Variants in DNAJB6 observed in about 807,000 individuals in gnomAD.
DNAJB6 encodes the protein DnaJ heat shock protein family (Hsp40) member B6, also known as dnaJ homolog subfamily B member 6.
DNAJB6 carries 16 observed loss-of-function variants against 42.7 expected under a neutral mutation model. That is an observed-to-expected ratio of 0.37 (90% CI 0.25 to 0.57). The LOEUF is 0.57. Among genes scored for constraint, DNAJB6 ranks in the 20% least tolerant of loss-of-function variants. DNAJB6 has a pLI of 0.74. For synonymous variants in DNAJB6, 170 were observed against 163.5 expected, an observed-to-expected ratio of 1.04 and a Z score of -0.30; for missense variants, 347 against 416.8, an observed-to-expected ratio of 0.83 and a Z score of 1.46.
chr7:157,344,331 CAG>C (rs1460667527), intron 1 of DNAJB6, among the ~76,000 whole-genome samples: 3 of 150,068 alleles, frequency 2.0e-5, no homozygotes, highest in Non-Finnish European at 4.4e-5. Context: ...GCCTGGGTGA[CAG>C]AGTGAGACTC....
intron 8 of DNAJB6, among the ~76,000 whole-genome samples, chr7:157,405,463 C>G (rs943316298): frequency 6.6e-6 from 1 of 152,216 alleles, no homozygotes; most frequent in Non-Finnish European, 1.5e-5. Flanking sequence ...CTCCTTCCTC[C>G]TCGTGGTGAC....
chr7:157,338,936 A>C (rs1347712834), intron 1 of DNAJB6, among the ~76,000 whole-genome samples: 3 of 152,232 alleles, frequency 2.0e-5, no homozygotes, highest in Non-Finnish European at 4.4e-5. Flanking sequence ...CAGAGCTCTT[A>C]AAGAATTTGA....
At chr7:157,340,678 A>G (rs566356330) in intron 1 of DNAJB6, among the ~76,000 whole-genome samples, 22 of 152,204 alleles carry the variant, frequency 1.4e-4, no homozygotes, top group African/African-American at 4.8e-4. Context: ...TGATTAGTTG[A>G]CTGACTGATT....
At chr7:157,396,874 C>T (rs898957901) in intron 8 of DNAJB6, among the ~76,000 whole-genome samples, 7 of 152,028 alleles carry the variant, frequency 4.6e-5, no homozygotes, top group African/African-American at 7.3e-5. Context: ...AAACATCCAC[C>T]GCCCGCCTCC....
At chr7:157,385,086 G>A (rs1272742171) in intron 7 of DNAJB6, 78 bp downstream of exon 7, 2 of 1,472,422 alleles carry the variant, frequency 1.4e-6, no homozygotes, top group South Asian at 2.5e-5. Context: ...ACGTCTCCCA[G>A]AGTGTGAAGT....
intron 8 of DNAJB6, among the ~76,000 whole-genome samples, chr7:157,387,413 A>G (rs1801123154): frequency 6.6e-6 from 1 of 152,250 alleles, no homozygotes; most frequent in African/African-American, 2.4e-5. Flanking sequence ...CACAACTAGC[A>G]TTGTGCGATC....
intron 3 of DNAJB6, 139 bp from the exon 4 acceptor site, chr7:157,366,363 T>G (rs1799843838): frequency 1.4e-6 from 1 of 712,564 alleles, no homozygotes; most frequent in Non-Finnish European, 2.4e-6. Context: ...TTGTTTTGTT[T>G]TAAAGAAAAG....
In DNAJB6 at chr7:157,401,474, G is replaced by A. The variant is rs190750325; in HGVS notation, c.692-8321G>A. ...GATCTGCCTGCCTCGGCCTCCCAAA[G>A]TGCTGGCATTACAGGCATGAGCCAC... is the stretch of plus-strand genomic sequence containing the variant. On this transcript the variant is annotated intron_variant, in intron 8 of 9. Transcript: ENST00000262177. Among the ~76,000 whole-genome samples, 574 of 152,256 alleles carry A rather than the reference G, an allele frequency of 3.8e-3. 8 individuals carry two copies. Among genetic ancestry groups the A allele is most frequent in the African/African-American group, 0.013 (537 of 41,544 alleles).
At chr7:157,370,928 T>C (rs1310078924) in intron 5 of DNAJB6, 1 of 152,592 alleles carries the variant, frequency 6.6e-6, no homozygotes, top group Non-Finnish European at 1.5e-5. Context: ...TTATTCATGA[T>C]GTAGTTCAGG....
chr7:157,389,088 G>A (rs1215318312), intron 8 of DNAJB6, among the ~76,000 whole-genome samples: 1 of 152,198 alleles, frequency 6.6e-6, no homozygotes, highest in Non-Finnish European at 1.5e-5. Context: ...TGTGCACCTA[G>A]TGTGCTGAAG....
intron 1 of DNAJB6, among the ~76,000 whole-genome samples, chr7:157,353,586 G>GGT (rs370854040): frequency 0.11 from 15,566 of 139,904 alleles, 852 homozygotes; most frequent in South Asian, 0.15. Context: ...TCTTGACCGG[G>GGT]GTGTGTGTGT....
intron 8 of DNAJB6, among the ~76,000 whole-genome samples, chr7:157,406,953 C>CTGG (rs1408284135): frequency 5.3e-5 from 8 of 152,220 alleles, no homozygotes; most frequent in African/African-American, 1.9e-4. Context: ...GCGGGAAGCC[C>CTGG]TGGTCGAGGC....
At chr7:157,347,054 A>G (rs927254073) in intron 1 of DNAJB6, among the ~76,000 whole-genome samples, 3 of 152,150 alleles carry the variant, frequency 2.0e-5, no homozygotes, top group Admixed American at 6.5e-5. Flanking sequence ...ACGGGGTTTC[A>G]CCGTGTTAGC....
At chr7:157,392,792 C>T (rs1475454081) in intron 8 of DNAJB6, among the ~76,000 whole-genome samples, 2 of 152,104 alleles carry the variant, frequency 1.3e-5, no homozygotes, top group Non-Finnish European at 2.9e-5. Context: ...TCCTGTTTTA[C>T]GGACAGCTGT....
chr7:157,363,904 G>A (rs1278150461), intron 3 of DNAJB6, among the ~76,000 whole-genome samples: 1 of 152,046 alleles, frequency 6.6e-6, no homozygotes. Flanking sequence ...CTGTGCATGG[G>A]GCCTGGGGTG....
chr7:157,352,137 C>T (rs527892234), intron 1 of DNAJB6, among the ~76,000 whole-genome samples: 1 of 152,186 alleles, frequency 6.6e-6, no homozygotes, highest in Middle Eastern at 3.4e-3. Context: ...CGAGACCATC[C>T]TGGCCAACAT....
At position 157,409,665 on chromosome 7, in the gene DNAJB6, C is replaced by G. The variant is rs868464741; in HGVS notation, c.692-130C>G. The G allele has an allele frequency of 1.4e-5, 15 of 1,070,770 alleles. No individual in the cohort carries two copies. The Middle Eastern group carries it at 1.3e-3, about 90-fold the overall frequency. 66.3% of individuals were successfully genotyped at this position (1,070,770 alleles called of 1,614,324 possible). A position where few individuals can be genotyped will look rare whatever the true frequency, so the allele number is the denominator to read the frequency against. On this transcript the variant is annotated intron_variant, in intron 8 of 9. Coordinates refer to ENST00000262177, the MANE Select transcript of DNAJB6 (RefSeq NM_058246.4). ...CGCCACTGAAGAAAGGAGATAACCT[C>G]TTTCTCCTGCCCGGAGATGGCGCGT...
chr7:157,375,199 G>A (rs970239260), intron 5 of DNAJB6, among the ~76,000 whole-genome samples: 1 of 152,140 alleles, frequency 6.6e-6, no homozygotes, highest in Non-Finnish European at 1.5e-5. Flanking sequence ...TGAGGTGGAA[G>A]GTGTGATGGT....
intron 9 of DNAJB6, chr7:157,410,755 T>G (rs1406651848): frequency 6.6e-6 from 1 of 152,142 alleles, no homozygotes. Context: ...CAGGAAGACA[T>G]GGATGGTTGA....
Sources: gnomAD v4.1 joint callset for allele counts (sites outside exome capture counted in the v4.1 genomes callset) on GRCh38, gnomAD v4.1.1 for gene constraint, MANE v1.5 for transcripts, NCBI Gene and HGNC (gene_info 2026-07-23, HGNC 2026-07-21) for gene names.